Variants in CSMD2 observed in about 807,000 individuals in gnomAD.
CSMD2 encodes the protein CUB and sushi domain-containing protein 2.
A neutral mutation model predicts 398.5 loss-of-function variants in CSMD2; 130 were observed. That is an observed-to-expected ratio of 0.33 (90% CI 0.28 to 0.38). The LOEUF (loss-of-function observed/expected upper bound fraction) is 0.38, where lower values mean the gene tolerates loss of function less well. CSMD2 is among the 10% of genes least tolerant of loss of function. CSMD2 has a pLI of 1.00. For missense variants in CSMD2, 3,829 were observed against 4,764.9 expected (o/e 0.80, Z 5.78); for synonymous variants, 1,828 against 1,908.5 (o/e 0.96, Z 1.10).
rs542841561 is a variant in CSMD2 at position 33,624,395 on chromosome 1, T to G, written c.5625+124A>C. The G allele has an allele frequency of 1.9e-5, 24 of 1,251,262 alleles. No individual in the cohort carries two copies. In the African/African-American group the frequency reaches 2.5e-4, roughly 13 times the overall value. The allele number at this position is 1,251,262 out of a possible 1,614,324, so 77.5% of individuals were successfully genotyped here. On this transcript the variant is annotated intron_variant, in intron 35 of 70. Coordinates refer to ENST00000373381, the MANE Select transcript of CSMD2 (RefSeq NM_001281956.2). The surrounding 1 kb of genome is among the most constrained non-coding windows in gnomAD (Gnocchi z 4.7). ...CGCAGGGGCAGGTACAGGGCTGATA[T>G]GTCTCTTCCTGGCTCACCCTGACTC...
chr1:33,845,511 C>G (rs888405808), intron 6 of CSMD2, among the ~76,000 whole-genome samples: 12 of 152,188 alleles, frequency 7.9e-5, no homozygotes, highest in Non-Finnish European at 1.3e-4. Context: ...ATATTAGAAA[C>G]ACCCAGCACT....
intron 4 of CSMD2, among the ~76,000 whole-genome samples, chr1:33,920,782 G>C (rs1643910815): frequency 6.6e-6 from 1 of 152,146 alleles, no homozygotes; most frequent in South Asian, 2.1e-4. Context: ...GAGGGCAAGG[G>C]AACAAGGTGG....
At chr1:34,151,379 G>A (rs1390162959) in intron 1 of CSMD2, among the ~76,000 whole-genome samples, 1 of 152,148 alleles carries the variant, frequency 6.6e-6, no homozygotes, top group Non-Finnish European at 1.5e-5. Flanking sequence ...AGAGGTATGG[G>A]GTTGAAGCCT....
chr1:33,801,902 G>T lies in CSMD2; in HGVS notation c.1446+8841C>A, dbSNP rs1655653920. ...GGAGAGATGGGGCAGAGAGACCACT[G>T]TGTGCTTTGCTGGAAGAAGGAATTG... is the stretch of plus-strand genomic sequence containing the variant. On this transcript the variant is annotated intron_variant, in intron 10 of 70. Transcript: ENST00000373381. Among the ~76,000 whole-genome samples the T allele has an allele frequency of 2.6e-5, 4 of 152,212 alleles. 1 individual carries two copies. Among genetic ancestry groups the T allele is most frequent in the African/African-American group, 9.7e-5 (4 of 41,444 alleles).
chr1:34,086,073 G>A (rs947895634), intron 2 of CSMD2, among the ~76,000 whole-genome samples: 3 of 149,936 alleles, frequency 2.0e-5, no homozygotes, highest in Non-Finnish European at 4.4e-5. Flanking sequence ...ACAAAGACTC[G>A]ACCACACATG....
At chr1:33,600,298 A>C (rs1211187547) in intron 44 of CSMD2, 3 of 617,842 alleles carry the variant, frequency 4.9e-6, no homozygotes, top group East Asian at 5.6e-5. Context: ...CACAGAGAAC[A>C]TTCTATAAGT....
At chr1:33,532,110 C>G (rs1200759534) in intron 64 of CSMD2, among the ~76,000 whole-genome samples, 1 of 152,092 alleles carries the variant, frequency 6.6e-6, no homozygotes, top group Non-Finnish European at 1.5e-5. Flanking sequence ...AGTCTCTGAC[C>G]CTGAAGGCTT....
chr1:33,966,924 A>T (rs1645577023), intron 3 of CSMD2, among the ~76,000 whole-genome samples: 1 of 152,194 alleles, frequency 6.6e-6, no homozygotes, highest in Non-Finnish European at 1.5e-5. Context: ...TCCATAAAGC[A>T]CCAGGTGGTG....
At chr1:33,861,662 G>A (rs1039842438) in intron 5 of CSMD2, among the ~76,000 whole-genome samples, 5 of 152,136 alleles carry the variant, frequency 3.3e-5, no homozygotes, top group East Asian at 3.8e-4. Context: ...CAGGGTCCCC[G>A]CAGGAAACAG....
At chr1:33,760,249 T>C (rs1425006222) in intron 13 of CSMD2, among the ~76,000 whole-genome samples, 1 of 152,206 alleles carries the variant, frequency 6.6e-6, no homozygotes, top group Non-Finnish European at 1.5e-5. Context: ...GCCCTCTTCA[T>C]TGAGATGTTT....
chr1:33,606,372 C>T (rs960085789), intron 41 of CSMD2, among the ~76,000 whole-genome samples: 3 of 152,210 alleles, frequency 2.0e-5, no homozygotes, highest in Non-Finnish European at 4.4e-5. Flanking sequence ...ATAACAACAT[C>T]AATAACGCGG....
chr1:33,898,751 G>A (rs1310997719), intron 5 of CSMD2, among the ~76,000 whole-genome samples: 3 of 152,178 alleles, frequency 2.0e-5, no homozygotes, highest in African/African-American at 7.2e-5. Flanking sequence ...GTTGAGCCAG[G>A]GCTGAAGGAA....
intron 1 of CSMD2, among the ~76,000 whole-genome samples, chr1:34,135,494 T>G (rs1638639499): frequency 6.6e-6 from 1 of 151,822 alleles, no homozygotes; most frequent in Non-Finnish European, 1.5e-5. Context: ...GGCACTTGCC[T>G]GTAGTCCCAG....
At chr1:34,094,245 G>T (rs1658998147) in intron 1 of CSMD2, among the ~76,000 whole-genome samples, 1 of 151,894 alleles carries the variant, frequency 6.6e-6, no homozygotes, top group African/African-American at 2.4e-5. Context: ...CCCTAAAAGA[G>T]CTCCTGAAGG....
In CSMD2 at chr1:33,699,023, C is replaced by T. The variant is rs954654220; in HGVS notation, c.3734-79G>A. 47 of 1,281,852 alleles carry T rather than the reference C, an allele frequency of 3.7e-5. No individual in the cohort carries two copies. The East Asian group carries it at 8.9e-4, about 24-fold the overall frequency. 79.4% of individuals were successfully genotyped at this position (1,281,852 alleles called of 1,614,324 possible). Reference sequence around the variant, plus strand: ...GCTTCCTCTCTTCCCTCAAAGCCCACGTCCTCAAGGAAGCTGTCTCAGCCA... The same window carrying T: ...GCTTCCTCTCTTCCCTCAAAGCCCATGTCCTCAAGGAAGCTGTCTCAGCCA... On this transcript the variant is annotated intron_variant, in intron 23 of 70. Coordinates refer to ENST00000373381, the MANE Select transcript of CSMD2 (RefSeq NM_001281956.2).
intron 5 of CSMD2, among the ~76,000 whole-genome samples, chr1:33,905,355 G>C (rs1168835148): frequency 6.6e-6 from 1 of 152,188 alleles, no homozygotes; most frequent in Non-Finnish European, 1.5e-5. Context: ...AATGGCCATA[G>C]GGTAACCAGC....
At chr1:34,057,823 C>T (rs1654023999) in intron 2 of CSMD2, among the ~76,000 whole-genome samples, 1 of 152,236 alleles carries the variant, frequency 6.6e-6, no homozygotes, top group Non-Finnish European at 1.5e-5. Context: ...GGCTTATTTA[C>T]TAACTTGGCC....
At chr1:34,051,436 T>C (rs950252532) in intron 2 of CSMD2, among the ~76,000 whole-genome samples, 22 of 152,200 alleles carry the variant, frequency 1.4e-4, no homozygotes, top group Admixed American at 7.9e-4. Flanking sequence ...TGCATGTGTA[T>C]ATAAGGATAT....
At chr1:34,061,296 G>A (rs950870473) in intron 2 of CSMD2, among the ~76,000 whole-genome samples, 1 of 152,196 alleles carries the variant, frequency 6.6e-6, no homozygotes, top group Non-Finnish European at 1.5e-5. Flanking sequence ...GCCCTTGTGT[G>A]CCACATCTCA....
Sources: allele counts gnomAD v4.1 joint callset (sites outside exome capture counted in the v4.1 genomes callset), GRCh38; gene constraint gnomAD v4.1.1; non-coding constraint Gnocchi (gnomAD v3.1); transcripts MANE v1.5; gene names NCBI Gene and HGNC (gene_info 2026-07-23, HGNC 2026-07-21).